Variants in RUFY3 observed in about 807,000 individuals in gnomAD.
RUFY3 encodes the protein protein RUFY3.
In RUFY3, 34 loss-of-function variants were observed where a neutral mutation model predicts 84.0. The observed-to-expected ratio is 0.40, with a 90% CI of 0.31 to 0.54. The LOEUF is 0.54. Among genes scored for constraint, RUFY3 ranks in the 20% least tolerant of loss-of-function variants. RUFY3 has a pLI of 0.39. For synonymous variants in RUFY3, 242 were observed against 252.9 expected (o/e 0.96, Z 0.41); for missense variants, 507 against 736.8 (o/e 0.69, Z 3.61).
At position 70,773,598 on chromosome 4, in the gene RUFY3, T is replaced by A. The variant is rs976539288; in HGVS notation, c.758+26T>A. 4 of 1,541,722 alleles carry A rather than the reference T, an allele frequency of 2.6e-6. No homozygotes were observed. In the African/African-American group the frequency reaches 4.1e-5, roughly 16 times the overall value. On this transcript the variant is annotated intron_variant, in intron 6 of 17. Transcript: ENST00000381006. Reference sequence around the variant, plus strand: ...GTACGTACAAAGAAAATTAGATTTCTTTTCTCCTGATGTAGCATTTTTTTT... The same window carrying A: ...GTACGTACAAAGAAAATTAGATTTCATTTCTCCTGATGTAGCATTTTTTTT...
intron 8 of RUFY3, among the ~76,000 whole-genome samples, chr4:70,782,179 TAATA>T (rs929776714): frequency 1.2e-4 from 19 of 152,230 alleles, no homozygotes; most frequent in African/African-American, 4.1e-4. Flanking sequence ...TAGACATTAT[TAATA>T]AATAATTTTT....
intron 16 of RUFY3, 144 bp downstream of exon 16, chr4:70,803,127 A>G: frequency 3.6e-6 from 2 of 562,246 alleles, no homozygotes; most frequent in South Asian, 2.7e-5. Context: ...ACAAATATGT[A>G]TTGCCTGAAG....
At position 70,742,497 on chromosome 4, in the gene RUFY3, C is replaced by T. The variant is rs113687076; in HGVS notation, c.178+19746C>T. On this transcript the variant is annotated intron_variant, in intron 1 of 17. Coordinates refer to ENST00000381006, the MANE Select transcript of RUFY3 (RefSeq NM_001037442.4). ...ATCTCATGTATTTATACCCTTCCCC[C>T]TCCGCCTGTGCCACCTGCGAACCCT... Among the ~76,000 whole-genome samples, 825 of 152,290 alleles carry T rather than the reference C, an allele frequency of 5.4e-3. 14 individuals are homozygous for T. Among genetic ancestry groups the T allele is most frequent in the African/African-American group, 0.019 (798 of 41,550 alleles).
At chr4:70,763,752 G>A (rs565078412) in intron 3 of RUFY3, 83 bp downstream of exon 3, 23 of 1,480,044 alleles carry the variant, frequency 1.6e-5, no homozygotes, top group East Asian at 4.6e-5. Context: ...AGACAATTAT[G>A]TACGAATAAT....
At chr4:70,798,015 T>C (rs908205429) in intron 14 of RUFY3, among the ~76,000 whole-genome samples, 13 of 152,198 alleles carry the variant, frequency 8.5e-5, no homozygotes, top group African/African-American at 3.1e-4. Flanking sequence ...AGTTGTTGCC[T>C]GCAGTGGCAT....
In RUFY3 at chr4:70,759,356, TTGTGTGTGTGTGTGTATG is replaced by T. The variant is rs1476409444; in HGVS notation, c.179-3147_179-3130del. Among the ~76,000 whole-genome samples, 541 of 120,006 alleles carry T rather than the reference TTGTGTGTGTGTGTGTATG, an allele frequency of 4.5e-3. 2 individuals are homozygous for T. The highest frequency in any genetic ancestry group is 0.017 in the African/African-American group (524 of 31,446). The allele number at this position is 120,006 out of a possible 152,430, so 78.7% of individuals were successfully genotyped here. A position where few individuals can be genotyped will look rare whatever the true frequency, so the allele number is the denominator to read the frequency against. On this transcript the variant is annotated intron_variant, in intron 1 of 17. Coordinates refer to ENST00000381006, the MANE Select transcript of RUFY3 (RefSeq NM_001037442.4). The stretch of plus-strand genomic sequence containing the variant: ...GATTTCATTCTTTTTATGGCTGAAT[TTGTGTGTGTGTGTGTATG>T]TGTGTGTGTGTGTGTGTGTGTGTGT...
At chr4:70,804,911 C>T (rs1186219621) in intron 17 of RUFY3, among the ~76,000 whole-genome samples, 6 of 151,900 alleles carry the variant, frequency 3.9e-5, no homozygotes, top group East Asian at 1.9e-4. Context: ...GGCAACAGAG[C>T]GAGACTCTGT....
At chr4:70,753,128 G>A (rs1723406014) in intron 1 of RUFY3, among the ~76,000 whole-genome samples, 1 of 152,032 alleles carries the variant, frequency 6.6e-6, no homozygotes, top group African/African-American at 2.4e-5. Flanking sequence ...AGTTTTGGTA[G>A]TTTGTGTCTA....
rs1729517292 is a variant in RUFY3, at chr4:70,784,809, A to G, written c.1001A>G (p.Asp334Gly). ...TATCTTTTCAAGGGTCCCAAGCAAGACAGAACTGCAGAAGGGCAAGCACTA... is the reference window on the plus strand; with the variant it reads ...TATCTTTTCAAGGGTCCCAAGCAAGGCAGAACTGCAGAAGGGCAAGCACTA... Reference protein sequence around the residue: ...LESNRKGPKQDRTAEGQALSE... With the variant: ...LESNRKGPKQGRTAEGQALSE... Residue 334 changes from aspartate (D) to glycine (G), a missense_variant, in exon 10 of 18, where the codon GAC (aspartate) becomes GGC (glycine). Physicochemically the swap from Asp to Gly is moderately conservative, Grantham distance 94 (BLOSUM62 -1). This residue lies in a region of RUFY3 where 334 missense variants were observed against 364.1 expected (regional missense o/e 0.92). Transcript: ENST00000381006. The G allele has an allele frequency of 1.2e-6, 2 of 1,603,726 alleles. No individual in the cohort carries two copies. Among genetic ancestry groups the G allele is most frequent in the East Asian group, 4.5e-5 (2 of 44,340 alleles).
chr4:70,781,027 T>A (rs1728831200), intron 8 of RUFY3, among the ~76,000 whole-genome samples: 3 of 149,840 alleles, frequency 2.0e-5, no homozygotes, highest in African/African-American at 7.4e-5. Context: ...GGTGGGTGGA[T>A]CGCTTGAGGC....
intron 4 of RUFY3, among the ~76,000 whole-genome samples, chr4:70,765,971 C>T (rs1725843353): frequency 6.6e-6 from 1 of 151,992 alleles, no homozygotes; most frequent in Non-Finnish European, 1.5e-5. Context: ...CCGTGTTGGC[C>T]AGGATGGTCT....
chr4:70,778,573 C>CTTTTTTT (rs377520137), intron 8 of RUFY3, 135 bp downstream of exon 8: 215 of 151,746 alleles, frequency 1.4e-3, no homozygotes, highest in Middle Eastern at 3.1e-3. Context: ...ACTTCTTATT[C>CTTTTTTT]TTTTTTTTTT....
chr4:70,737,437 T>G (rs1442595584), intron 1 of RUFY3, among the ~76,000 whole-genome samples: 1 of 152,190 alleles, frequency 6.6e-6, no homozygotes, highest in African/African-American at 2.4e-5. Flanking sequence ...ACATTTTGTC[T>G]GAGAATCCCA....
intron 1 of RUFY3, among the ~76,000 whole-genome samples, chr4:70,730,722 G>A (rs1003296446): frequency 2.0e-5 from 3 of 151,912 alleles, no homozygotes; most frequent in African/African-American, 7.3e-5. Context: ...CAGCCTGGGC[G>A]ACAAGAGTGA....
At chr4:70,707,656 G>A (rs977868172) in intron 1 of RUFY3, among the ~76,000 whole-genome samples, 3 of 151,248 alleles carry the variant, frequency 2.0e-5, no homozygotes, top group Admixed American at 6.6e-5. Flanking sequence ...GAATATATAC[G>A]TGTCCCACTT....
intron 8 of RUFY3, among the ~76,000 whole-genome samples, chr4:70,781,287 T>C (rs1728875216): frequency 6.6e-6 from 1 of 151,958 alleles, no homozygotes; most frequent in African/African-American, 2.4e-5. Flanking sequence ...AGTTCAAGAT[T>C]AGGCTGGGAA....
In RUFY3 at chr4:70,763,535, T is replaced by C. The variant is rs201504961; in HGVS notation, c.353-17T>C. 138 of 1,596,676 alleles carry C rather than the reference T, an allele frequency of 8.6e-5. 1 individual carries two copies. In the African/African-American group the frequency reaches 1.6e-3, roughly 18 times the overall value. On this transcript the variant is annotated splice_polypyrimidine_tract_variant and intron_variant, in intron 2 of 17. Transcript: ENST00000381006. ...TGTAAAGAATATTAAAATACTGCTT[T>C]ATTTTTGTTGCCTTAGCTAAAAAAA... is the stretch of plus-strand genomic sequence containing the variant.
intron 4 of RUFY3, 40 bp downstream of exon 4, chr4:70,764,616 G>T: frequency 8.5e-7 from 1 of 1,182,788 alleles, no homozygotes; most frequent in South Asian, 1.3e-5. Flanking sequence ...TCCTTGGTAT[G>T]TTCTACATCG....
At chr4:70,805,699 C>T (rs1286451530) in intron 17 of RUFY3, among the ~76,000 whole-genome samples, 1 of 152,188 alleles carries the variant, frequency 6.6e-6, no homozygotes, top group Non-Finnish European at 1.5e-5. Context: ...CTCTTCTAAG[C>T]CATGCAATAT....
Sources: allele counts gnomAD v4.1 joint callset (sites outside exome capture counted in the v4.1 genomes callset), GRCh38; gene constraint gnomAD v4.1.1; regional missense constraint gnomAD v4.1.1; transcripts MANE v1.5; gene names NCBI Gene and HGNC (gene_info 2026-07-23, HGNC 2026-07-21).